PEBP4: variants seen among roughly 807,000 people sequenced by gnomAD.
PEBP4 encodes phosphatidylethanolamine binding protein 4, also known as phosphatidylethanolamine-binding protein 4.
A neutral mutation model predicts 23.9 loss-of-function variants in PEBP4; 22 were observed. The observed-to-expected ratio is 0.92, with a 90% CI of 0.66 to 1.31. The LOEUF is 1.31. Among genes scored for constraint, PEBP4 ranks in the 40% most tolerant of loss-of-function variants. The pLI is 0.00. For synonymous variants in PEBP4, 112 were observed against 99.3 expected (o/e 1.13, Z -0.76); for missense variants, 324 against 281.7 (o/e 1.15, Z -1.07).
At chr8:22,864,163 C>G (rs1807835521) in intron 3 of PEBP4, among the ~76,000 whole-genome samples, 1 of 152,228 alleles carries the variant, frequency 6.6e-6, no homozygotes, top group Non-Finnish European at 1.5e-5. Context: ...GGCCCCCTGC[C>G]TTTTGCATGA....
rs184238465 is a variant in PEBP4 at position 22,817,751 on chromosome 8, C to T, written c.259-16G>A. 7.8e-4 allele frequency: 1,257 copies of T among 1,608,876 alleles called. 4 individuals are homozygous for T. Among genetic ancestry groups the T allele is most frequent in the South Asian group, 2.9e-3 (263 of 90,948 alleles). ...AGGTTGCGCCCTGTAACACATGTAC[C>T]GAAAAGTAATGTAGCGTCATGGCTG... is the stretch of plus-strand genomic sequence containing the variant. On this transcript the variant is annotated splice_polypyrimidine_tract_variant and intron_variant, in intron 3 of 6. Coordinates refer to ENST00000256404, the MANE Select transcript of PEBP4 (RefSeq NM_144962.3).
At chr8:22,820,430 G>A (rs1806834029) in intron 3 of PEBP4, among the ~76,000 whole-genome samples, 1 of 152,204 alleles carries the variant, frequency 6.6e-6, no homozygotes, top group Admixed American at 6.5e-5. Context: ...AGGAAAAAGT[G>A]AGTAAGATGA....
intron 3 of PEBP4, among the ~76,000 whole-genome samples, chr8:22,846,807 GT>G (rs775616533): frequency 1.3e-5 from 2 of 152,250 alleles, no homozygotes; most frequent in East Asian, 3.9e-4. Flanking sequence ...TAGTGTTTGG[GT>G]TTGGGCCAAA....
chr8:22,873,546 C>T (rs548549312), intron 3 of PEBP4, among the ~76,000 whole-genome samples: 8 of 152,130 alleles, frequency 5.3e-5, no homozygotes, highest in East Asian at 1.9e-4. Context: ...GTGGGAGGAT[C>T]GCTTAAGGCC....
rs536993520 is a variant in PEBP4, at chr8:22,898,391, C to CAAAAAAAAAAAAAAAAAAAAAAAAAAAAA, written c.258+21764_258+21792dup. On this transcript the variant is annotated intron_variant, in intron 3 of 6. Transcript: ENST00000256404. ...TGAGCGACAGAGGAAGACTCCACCC[C>CAAAAAAAAAAAAAAAAAAAAAAAAAAAAA]AAAAAAAAAAAAAAAAAAAAAAAAA... Among the ~76,000 whole-genome samples, 2 of 7,960 alleles carry CAAAAAAAAAAAAAAAAAAAAAAAAAAAAA rather than the reference C, an allele frequency of 2.5e-4. 1 individual carries two copies. Among genetic ancestry groups the CAAAAAAAAAAAAAAAAAAAAAAAAAAAAA allele is most frequent in the Non-Finnish European group, 5.5e-4 (2 of 3,648 alleles). The allele number at this position is 7,960 out of a possible 152,430, so 5.2% of individuals were successfully genotyped here. A position where few individuals can be genotyped will look rare whatever the true frequency, so the allele number is the denominator to read the frequency against.
At chr8:22,935,968 G>C (rs940463605) in intron 1 of PEBP4, among the ~76,000 whole-genome samples, 12 of 132,920 alleles carry the variant, frequency 9.0e-5, no homozygotes, top group African/African-American at 3.4e-4. Flanking sequence ...TATTAAAAAA[G>C]AAGGAGGATC....
chr8:22,740,494 G>A (rs552295317), intron 4 of PEBP4, among the ~76,000 whole-genome samples: 2 of 152,138 alleles, frequency 1.3e-5, no homozygotes, highest in East Asian at 1.9e-4. Flanking sequence ...CGACTTCTAC[G>A]CACACTAAAG....
At chr8:22,899,260 C>T (rs186703264) in intron 3 of PEBP4, among the ~76,000 whole-genome samples, 135 of 152,352 alleles carry the variant, frequency 8.9e-4, no homozygotes, top group African/African-American at 3.0e-3. Flanking sequence ...GAGCCAAGGG[C>T]TGCCGGGGGC....
intron 4 of PEBP4, among the ~76,000 whole-genome samples, chr8:22,782,059 T>C (rs995874247): frequency 6.6e-6 from 1 of 152,206 alleles, no homozygotes; most frequent in Non-Finnish European, 1.5e-5. Context: ...TCTGTGGCTT[T>C]CTCACTATTG....
chr8:22,857,391 T>A (rs1175059836), intron 3 of PEBP4, among the ~76,000 whole-genome samples: 1 of 152,186 alleles, frequency 6.6e-6, no homozygotes, highest in African/African-American at 2.4e-5. Flanking sequence ...TTGCTCCCCA[T>A]CACCCATTCC....
At chr8:22,750,026 G>A (rs181179376) in intron 4 of PEBP4, among the ~76,000 whole-genome samples, 90 of 151,612 alleles carry the variant, frequency 5.9e-4, no homozygotes, top group African/African-American at 2.1e-3. Flanking sequence ...GGTTGGTCTC[G>A]AACTCCCGAC....
chr8:22,835,723 G>T (rs755763377), intron 3 of PEBP4, among the ~76,000 whole-genome samples: 2 of 152,336 alleles, frequency 1.3e-5, no homozygotes, highest in Non-Finnish European at 2.9e-5. Context: ...GTTAGAAAGC[G>T]CTATGTCCCA....
At chr8:22,729,976 G>C (rs181430572) in intron 4 of PEBP4, among the ~76,000 whole-genome samples, 5 of 152,280 alleles carry the variant, frequency 3.3e-5, no homozygotes, top group African/African-American at 1.2e-4. Context: ...AGGTGAGAGA[G>C]TTGGGCTCCA....
intron 4 of PEBP4, among the ~76,000 whole-genome samples, chr8:22,740,208 C>T (rs1293935889): frequency 6.6e-6 from 1 of 152,176 alleles, no homozygotes; most frequent in Non-Finnish European, 1.5e-5. Context: ...GAAGAAAGGT[C>T]AGGAATTTCT....
intron 4 of PEBP4, among the ~76,000 whole-genome samples, chr8:22,765,351 C>G (rs1445481736): frequency 1.3e-5 from 2 of 152,144 alleles, no homozygotes; most frequent in Non-Finnish European, 2.9e-5. Flanking sequence ...ACCATATTGG[C>G]CAGGCTGGTC....
At chr8:22,822,083 G>T (rs767560808) in intron 3 of PEBP4, among the ~76,000 whole-genome samples, 4 of 151,870 alleles carry the variant, frequency 2.6e-5, no homozygotes, top group Non-Finnish European at 5.9e-5. Context: ...AAGGGATAAA[G>T]GTTGTGTCAG....
chr8:22,849,032 AC>A (rs1038479458), intron 3 of PEBP4, among the ~76,000 whole-genome samples: 3 of 152,072 alleles, frequency 2.0e-5, no homozygotes, highest in African/African-American at 7.2e-5. Flanking sequence ...CAAGAGGGCA[AC>A]CCCCAGCCTC....
intron 3 of PEBP4, among the ~76,000 whole-genome samples, chr8:22,821,165 T>C (rs935581587): frequency 6.6e-6 from 1 of 152,128 alleles, no homozygotes; most frequent in Admixed American, 6.5e-5. Context: ...CCAGCTTGGA[T>C]GACAGAGTGA....
chr8:22,797,268 AAAAAG>A (rs1323192314), intron 4 of PEBP4, among the ~76,000 whole-genome samples: 11 of 151,488 alleles, frequency 7.3e-5, no homozygotes, highest in Admixed American at 6.6e-5. Flanking sequence ...AAAAAAAAAA[AAAAAG>A]ACAGAAAGAA....
Sources: allele counts gnomAD v4.1 joint callset (sites outside exome capture counted in the v4.1 genomes callset), GRCh38; gene constraint gnomAD v4.1.1; transcripts MANE v1.5; gene names NCBI Gene and HGNC (gene_info 2026-07-23, HGNC 2026-07-21).